EPM2A: variants seen among roughly 807,000 people sequenced by gnomAD.
EPM2A encodes EPM2A glucan phosphatase, laforin.
A neutral mutation model predicts 26.5 loss-of-function variants in EPM2A; 21 were observed. That is an observed-to-expected ratio of 0.79 (90% CI 0.56 to 1.14). The LOEUF (loss-of-function observed/expected upper bound fraction) is 1.14, where lower values mean the gene tolerates loss of function less well. Among genes scored for constraint, EPM2A ranks in the 50% most tolerant of loss-of-function variants. EPM2A has a pLI of 0.00. For synonymous variants in EPM2A, 217 were observed against 177.6 expected (o/e 1.22, Z -1.76); for missense variants, 458 against 440.8 (o/e 1.04, Z -0.35).
chr6:145,408,285 A>G (rs1218559307), intron 4 of EPM2A, among the ~76,000 whole-genome samples: 1 of 152,174 alleles, frequency 6.6e-6, no homozygotes, highest in African/African-American at 2.4e-5. Context: ...GAGGATGACC[A>G]GTAACAGCTG....
intron 4 of EPM2A, among the ~76,000 whole-genome samples, chr6:145,485,652 CA>C (rs1298024521): frequency 6.6e-6 from 1 of 151,506 alleles, no homozygotes; most frequent in African/African-American, 2.4e-5. Context: ...AACCTTAAAG[CA>C]AAAAAGGGAT....
chr6:145,435,508 A>G (rs1778978018), intron 4 of EPM2A, among the ~76,000 whole-genome samples: 1 of 151,002 alleles, frequency 6.6e-6, no homozygotes. Context: ...TAATCAAGAA[A>G]TAATGAAAAA....
chr6:145,446,814 T>C (rs1366019177), intron 4 of EPM2A, among the ~76,000 whole-genome samples: 1 of 152,106 alleles, frequency 6.6e-6, no homozygotes, highest in Non-Finnish European at 1.5e-5. Flanking sequence ...TTGTACACAG[T>C]ATGTCAGGTT....
At chr6:145,616,115 T>C (rs1775507166) in intron 2 of EPM2A, among the ~76,000 whole-genome samples, 1 of 152,214 alleles carries the variant, frequency 6.6e-6, no homozygotes, top group Admixed American at 6.5e-5. Flanking sequence ...GCCCCTCCCA[T>C]CACAGGCCCA....
intron 3 of EPM2A, among the ~76,000 whole-genome samples, chr6:145,633,161 G>A (rs1319094924): frequency 6.6e-6 from 1 of 152,180 alleles, no homozygotes; most frequent in African/African-American, 2.4e-5. Context: ...CAGTGTGTGG[G>A]TTGGGATGGG....
chr6:145,684,428 T>C (rs1420608994), intron 2 of EPM2A, among the ~76,000 whole-genome samples: 1 of 152,126 alleles, frequency 6.6e-6, no homozygotes. Flanking sequence ...CATAAACATA[T>C]CCTCATTAAA....
intron 1 of EPM2A, among the ~76,000 whole-genome samples, chr6:145,694,393 G>A (rs1232394774): frequency 3.3e-5 from 5 of 151,836 alleles, no homozygotes; most frequent in African/African-American, 9.7e-5. Context: ...GAAATAAAAC[G>A]CACAAAAAAT....
intron 2 of EPM2A, among the ~76,000 whole-genome samples, chr6:145,682,112 G>C (rs1780583249): frequency 6.6e-6 from 1 of 152,142 alleles, no homozygotes; most frequent in African/African-American, 2.4e-5. Context: ...TGGACTCACA[G>C]TTCCACGTGG....
At chr6:145,728,518 C>T (rs1444762913) in intron 1 of EPM2A, among the ~76,000 whole-genome samples, 3 of 152,298 alleles carry the variant, frequency 2.0e-5, no homozygotes, top group African/African-American at 4.8e-5. Flanking sequence ...TGTGCTCCTG[C>T]TCTAGAGATT....
At chr6:145,451,740 A>G (rs1403788801) in intron 4 of EPM2A, among the ~76,000 whole-genome samples, 6 of 152,246 alleles carry the variant, frequency 3.9e-5, no homozygotes, top group Admixed American at 1.3e-4. Context: ...TGTGTTAACT[A>G]GTATTGGGTT....
chr6:145,651,935 A>T (rs549714915), intron 2 of EPM2A, among the ~76,000 whole-genome samples: 1 of 152,106 alleles, frequency 6.6e-6, no homozygotes, highest in South Asian at 2.1e-4. Context: ...CCCTCTTCTC[A>T]TTGGTATTTA....
At chr6:145,421,638 A>G (rs942320865) in intron 4 of EPM2A, among the ~76,000 whole-genome samples, 2 of 152,052 alleles carry the variant, frequency 1.3e-5, no homozygotes, top group African/African-American at 4.8e-5. Flanking sequence ...TAAACCGAAA[A>G]CTTAAATAAG....
chr6:145,538,963 T>C (rs537802235), intron 2 of EPM2A, among the ~76,000 whole-genome samples: 3 of 152,300 alleles, frequency 2.0e-5, no homozygotes, highest in Admixed American at 2.0e-4. Flanking sequence ...TAAGAGCACA[T>C]GTAGTATGGA....
At chr6:145,628,597 A>C (rs1776007879) in intron 3 of EPM2A, 1 of 152,176 alleles carries the variant, frequency 6.6e-6, no homozygotes, top group Non-Finnish European at 1.5e-5. Context: ...TTTCAAAGGG[A>C]AAGGAAGAGG....
chr6:145,640,233 C>T (rs1776990219), intron 2 of EPM2A: 1 of 152,132 alleles, frequency 6.6e-6, no homozygotes. Context: ...CACAGGGTAT[C>T]GACAGGAGAA....
At chr6:145,654,487 T>A (rs548431232) in intron 2 of EPM2A, among the ~76,000 whole-genome samples, 1 of 152,332 alleles carries the variant, frequency 6.6e-6, no homozygotes, top group East Asian at 1.9e-4. Flanking sequence ...TTTCACTTTC[T>A]GTGTTATGGA....
chr6:145,479,077 T>A (rs1010733847), intron 4 of EPM2A, among the ~76,000 whole-genome samples: 1 of 151,474 alleles, frequency 6.6e-6, no homozygotes, highest in African/African-American at 2.4e-5. Context: ...TTTTTGTCTT[T>A]ACTGATTTTT....
chr6:145,626,620 G>T lies in EPM2A; in HGVS notation c.*796C>A, dbSNP rs1047513417. The T allele has an allele frequency of 1.0e-6, 1 of 982,582 alleles. No individual in the cohort carries two copies. Among genetic ancestry groups the T allele is most frequent in the African/African-American group, 1.8e-5 (1 of 57,128 alleles). The allele number at this position is 982,582 out of a possible 1,614,324, so 60.9% of individuals were successfully genotyped here. On this transcript the variant is annotated 3_prime_UTR_variant, in exon 4 of 4. Coordinates refer to ENST00000367519, the MANE Select transcript of EPM2A (RefSeq NM_005670.4). ...AACAAGTTGTGATGAAAACAGTGCT[G>T]AGTCAAATAAATATAGATTATTAAC...
chr6:145,620,148 GT>G (rs1467218420), intron 2 of EPM2A, among the ~76,000 whole-genome samples: 1 of 152,198 alleles, frequency 6.6e-6, no homozygotes, highest in East Asian at 1.9e-4. Flanking sequence ...CCAGGGACCA[GT>G]TTTGTGAAAG....
Sources: allele counts gnomAD v4.1 joint callset (sites outside exome capture counted in the v4.1 genomes callset), GRCh38; gene constraint gnomAD v4.1.1; transcripts MANE v1.5; gene names NCBI Gene and HGNC (gene_info 2026-07-23, HGNC 2026-07-21).